Variants in VSNL1 observed in about 807,000 individuals in gnomAD.
VSNL1 encodes visinin-like protein 1.
Under a neutral mutation model 20.4 loss-of-function variants are expected in VSNL1, and 6 were observed. That is an observed-to-expected ratio of 0.29 (90% confidence interval 0.16 to 0.58). VSNL1 has a LOEUF of 0.58. Among genes scored for constraint, VSNL1 ranks in the 20% least tolerant of loss-of-function variants. VSNL1 has a pLI of 0.90. For missense variants in VSNL1, 100 were observed against 234.5 expected, an observed-to-expected ratio of 0.43 and a Z score of 3.75; for synonymous variants, 93 against 86.4, an observed-to-expected ratio of 1.08 and a Z score of -0.42.
intron 1 of VSNL1, among the ~76,000 whole-genome samples, chr2:17,571,213 T>C (rs976030585): frequency 2.0e-5 from 3 of 152,220 alleles, no homozygotes; most frequent in Admixed American, 1.3e-4. Flanking sequence ...GCAACCTCCC[T>C]AGGTGTTTTG....
At chr2:17,648,097 G>T (rs1666038055) in intron 2 of VSNL1, among the ~76,000 whole-genome samples, 1 of 152,160 alleles carries the variant, frequency 6.6e-6, no homozygotes, top group South Asian at 2.1e-4. Context: ...TGTTATATAG[G>T]AATAGTCTCT....
At chr2:17,613,729 G>T (rs760563689) in intron 2 of VSNL1, among the ~76,000 whole-genome samples, 2 of 152,162 alleles carry the variant, frequency 1.3e-5, no homozygotes, top group Non-Finnish European at 2.9e-5. Context: ...AGACCCACTG[G>T]TCCAGACCTC....
chr2:17,618,122 G>A (rs1350498065), intron 2 of VSNL1, among the ~76,000 whole-genome samples: 3 of 152,200 alleles, frequency 2.0e-5, no homozygotes, highest in African/African-American at 7.2e-5. Context: ...CAATGTTGCT[G>A]TCTGTGCTCA....
Position 17,587,348 on chromosome 2 carries a change from AACACACAC to A in VSNL1, c.-5-4682_-5-4675del, listed in dbSNP as rs67537461. On this transcript the variant is annotated intron_variant, in intron 1 of 3. Transcript: ENST00000295156. ...AGTAGGTAAGAGACAGGCTGAGGGC[AACACACAC>A]ACACACACACACACACACACACACA... 5.8e-3 allele frequency among the ~76,000 whole-genome samples: 782 copies of A among 134,658 alleles called. 13 individuals are homozygous for A. Among genetic ancestry groups the A allele is most frequent in the African/African-American group, 0.019 (666 of 34,924 alleles). The allele number at this position is 134,658 out of a possible 152,430, so 88.3% of individuals were successfully genotyped here.
At chr2:17,631,223 G>A (rs1369029063) in intron 2 of VSNL1, among the ~76,000 whole-genome samples, 1 of 151,480 alleles carries the variant, frequency 6.6e-6, no homozygotes, top group Non-Finnish European at 1.5e-5. Context: ...GAAAACATAG[G>A]GAAATATTCT....
In VSNL1 at chr2:17,654,814, C is replaced by T. The variant is rs549240609; in HGVS notation, c.379-383C>T. Among the ~76,000 whole-genome samples the T allele has an allele frequency of 1.5e-4, 23 of 152,306 alleles. No individual in the cohort carries two copies. In the South Asian group the frequency reaches 4.1e-3, roughly 27 times the overall value. On this transcript the variant is annotated intron_variant, in intron 3 of 3. Transcript: ENST00000295156. The stretch of plus-strand genomic sequence containing the variant: ...TCTTTCAACACTTCACCTGGCCCTC[C>T]CTCCTACTGCCCCTTGCCCCACATC...
At chr2:17,626,469 G>T (rs539800337) in intron 2 of VSNL1, among the ~76,000 whole-genome samples, 2 of 152,144 alleles carry the variant, frequency 1.3e-5, no homozygotes, top group Non-Finnish European at 2.9e-5. Context: ...AGTCCTAAGC[G>T]ACAGCCAGTC....
At chr2:17,615,388 G>A (rs1031407468) in intron 2 of VSNL1, among the ~76,000 whole-genome samples, 3 of 152,158 alleles carry the variant, frequency 2.0e-5, no homozygotes, top group African/African-American at 7.2e-5. Context: ...GTAATTTGAT[G>A]TTTTGAGCTG....
chr2:17,603,489 T>A (rs1424762178), intron 2 of VSNL1, among the ~76,000 whole-genome samples: 4 of 152,150 alleles, frequency 2.6e-5, no homozygotes, highest in East Asian at 3.9e-4. Context: ...ATGTGAATGT[T>A]GCAGGGGACA....
chr2:17,611,403 A>G (rs1665082756), intron 2 of VSNL1, among the ~76,000 whole-genome samples: 1 of 152,242 alleles, frequency 6.6e-6, no homozygotes, highest in Non-Finnish European at 1.5e-5. Context: ...GGAGACAGCA[A>G]TGCCTTACAC....
intron 1 of VSNL1, among the ~76,000 whole-genome samples, chr2:17,590,290 A>G (rs1478282423): frequency 6.6e-6 from 1 of 152,238 alleles, no homozygotes; most frequent in Admixed American, 6.5e-5. Flanking sequence ...AGGTTTCACA[A>G]TAATACATCT....
At chr2:17,631,307 G>C (rs1005136617) in intron 2 of VSNL1, among the ~76,000 whole-genome samples, 1 of 150,826 alleles carries the variant, frequency 6.6e-6, no homozygotes, top group African/African-American at 2.4e-5. Context: ...CTGATGCCTT[G>C]ATCATATAAA....
chr2:17,653,835 A>C (rs946294395), intron 3 of VSNL1, among the ~76,000 whole-genome samples: 13 of 152,176 alleles, frequency 8.5e-5, no homozygotes, highest in Admixed American at 2.6e-4. Flanking sequence ...CCATAATGTA[A>C]ATTTAAAACA....
At position 17,649,586 on chromosome 2, in the gene VSNL1, T is replaced by C. The variant is rs772412991; in HGVS notation, c.339T>C (p.Asp113=). ...TCAATATGTATGACCTGGATGGTGA[T>C]GGCAAGATCACCCGAGTGGAGATGC... is the stretch of plus-strand genomic sequence containing the variant. ...WAFNMYDLDG[D]GKITRVEMLE... Residue 113 remains aspartate, a synonymous_variant, in exon 3 of 4, where the codon GAT becomes GAC. Coordinates refer to ENST00000295156, the MANE Select transcript of VSNL1 (RefSeq NM_003385.5). This position sits in a 1 kb window ranked among gnomAD's most constrained non-coding sequence, Gnocchi z 6.4. 1.2e-6 allele frequency: 2 copies of C among 1,614,180 alleles called. No homozygotes were observed. The highest frequency in any genetic ancestry group is 1.1e-5 in the South Asian group (1 of 91,078).
chr2:17,629,068 T>C lies in VSNL1; in HGVS notation c.163-20342T>C, dbSNP rs1665574943. Among the ~76,000 whole-genome samples the C allele has an allele frequency of 2.6e-5, 4 of 152,234 alleles. No individual in the cohort carries two copies. In the South Asian group the frequency reaches 8.3e-4, roughly 31 times the overall value. On this transcript the variant is annotated intron_variant, in intron 2 of 3. Transcript: ENST00000295156. ...AGCCCAGCCACAGCTAAATCGCCTG[T>C]CTCTGCATCTTCCTTGGGTGTCTGT...
intron 2 of VSNL1, among the ~76,000 whole-genome samples, chr2:17,647,031 T>G (rs941278869): frequency 1.8e-4 from 28 of 152,184 alleles, no homozygotes; most frequent in African/African-American, 6.5e-4. Context: ...GAGCACACAC[T>G]CAGTTCTAAA....
intron 2 of VSNL1, among the ~76,000 whole-genome samples, chr2:17,620,427 T>C (rs556815702): frequency 2.0e-5 from 3 of 152,214 alleles, no homozygotes; most frequent in Admixed American, 1.3e-4. Flanking sequence ...ACCTGGAGGG[T>C]ATCCAGATGG....
chr2:17,596,865 T>C (rs1664722837), intron 2 of VSNL1, among the ~76,000 whole-genome samples: 1 of 152,210 alleles, frequency 6.6e-6, no homozygotes, highest in African/African-American at 2.4e-5. Context: ...TAAGACCCGT[T>C]TTATCACCTC....
chr2:17,606,587 A>C (rs1664949172), intron 2 of VSNL1, among the ~76,000 whole-genome samples: 1 of 152,206 alleles, frequency 6.6e-6, no homozygotes. Flanking sequence ...GAAGCCCACC[A>C]TGAGGAATTA....
Sources: gnomAD v4.1 joint callset for allele counts (sites outside exome capture counted in the v4.1 genomes callset) on GRCh38, gnomAD v4.1.1 for gene constraint, Gnocchi (gnomAD v3.1) non-coding constraint, MANE v1.5 for transcripts, NCBI Gene and HGNC (gene_info 2026-07-23, HGNC 2026-07-21) for gene names.